KLHL13: variants seen among roughly 807,000 people sequenced by gnomAD.
The protein encoded by KLHL13 is kelch like family member 13.
KLHL13 carries 10 observed loss-of-function variants against 37.1 expected under a neutral mutation model. That is an observed-to-expected ratio of 0.27 (90% CI 0.17 to 0.46). The LOEUF (loss-of-function observed/expected upper bound fraction) is 0.46, where lower values mean the gene tolerates loss of function less well. Among genes scored for constraint, KLHL13 ranks in the 20% least tolerant of loss-of-function variants. The pLI is 1.00. For missense variants in KLHL13, 360 were observed against 509.3 expected, an observed-to-expected ratio of 0.71 and a Z score of 2.82; for synonymous variants, 163 against 181.2, an observed-to-expected ratio of 0.90 and a Z score of 0.81.
chrX:118,100,743 C>T (rs1432876982), intron 1 of KLHL13, among the ~76,000 whole-genome samples: 1 of 111,466 alleles, frequency 9.0e-6, no homozygotes, highest in Non-Finnish European at 1.9e-5. Flanking sequence ...AAATATCACT[C>T]AACTAAAGAG....
Position 118,059,345 on chromosome X carries a change from A to G in KLHL13, c.-56+57163T>C, listed in dbSNP as rs182399320. ...ACAGTTCATCTCCTAAGCATTTAAG[A>G]AATCTGAAGTTTTAACTGTTACAAG... On this transcript the variant is annotated intron_variant, in intron 1 of 6. Coordinates refer to the KLHL13 transcript ENST00000371882. Among the ~76,000 whole-genome samples, 3 of 112,055 alleles carry G rather than the reference A, an allele frequency of 2.7e-5. No individual in the cohort carries two copies. In the Admixed American group the frequency reaches 2.8e-4, roughly 11 times the overall value.
chrX:118,021,477 A>C, intron 1 of KLHL13, among the ~76,000 whole-genome samples: 1 of 108,684 alleles, frequency 9.2e-6, no homozygotes, highest in Non-Finnish European at 1.9e-5. Flanking sequence ...CCTATGAGTG[A>C]GAACATGCGG....
At chrX:118,109,979 G>C (rs776725961) in intron 1 of KLHL13, among the ~76,000 whole-genome samples, 5 of 111,369 alleles carry the variant, frequency 4.5e-5, no homozygotes, top group Non-Finnish European at 9.4e-5. Flanking sequence ...TTCAACACCA[G>C]CCTGGGCAAC....
At chrX:118,068,099 C>T (rs1259322137) in intron 1 of KLHL13, among the ~76,000 whole-genome samples, 1 of 111,400 alleles carries the variant, frequency 9.0e-6, no homozygotes, top group Non-Finnish European at 1.9e-5. Flanking sequence ...TTTTCAGCTC[C>T]GTTATAATCA....
At chrX:117,932,157 A>T (rs1228804840) in intron 2 of KLHL13, among the ~76,000 whole-genome samples, 1 of 111,552 alleles carries the variant, frequency 9.0e-6, no homozygotes, top group Admixed American at 9.5e-5. Context: ...ATCATCTGCA[A>T]TATTTATCAT....
chrX:118,011,956 A>T (rs1313500784), intron 1 of KLHL13, among the ~76,000 whole-genome samples: 1 of 112,533 alleles, frequency 8.9e-6, no homozygotes, highest in Admixed American at 9.4e-5. Flanking sequence ...AAATATTTGA[A>T]TATTCAATTT....
At chrX:117,898,673 A>G (rs1360335601) in exon 7 of KLHL13, 1 of 349,108 alleles carries the variant, frequency 2.9e-6, no homozygotes, top group Admixed American at 5.3e-5. Context: ...TTTTTTTTTC[A>G]TATGTTAAAC....
chrX:117,920,213 T>C, intron 3 of KLHL13, 25 bp downstream of exon 4: 1 of 1,194,045 alleles, frequency 8.4e-7, no homozygotes, highest in South Asian at 1.8e-5. Context: ...TTAATGTGGT[T>C]TCAGAGTTTT....
chrX:118,007,542 A>C (rs765122200), intron 1 of KLHL13, among the ~76,000 whole-genome samples: 1 of 111,204 alleles, frequency 9.0e-6, no homozygotes, highest in African/African-American at 3.3e-5. Context: ...AACAACATTA[A>C]ATTTAATTTG....
chrX:118,050,860 C>T (rs1199885569), intron 1 of KLHL13, among the ~76,000 whole-genome samples: 1 of 112,053 alleles, frequency 8.9e-6, no homozygotes, highest in Non-Finnish European at 1.9e-5. Flanking sequence ...CTTGAGCATA[C>T]ATCAGAGTTT....
chrX:118,005,883 T>C (rs1210220678), intron 1 of KLHL13, among the ~76,000 whole-genome samples: 1 of 111,976 alleles, frequency 8.9e-6, no homozygotes. Flanking sequence ...TGGAAAGAAA[T>C]TGTGTAATGA....
chrX:117,964,848 G>T (rs5956825), intron 1 of KLHL13, among the ~76,000 whole-genome samples: 29,607 of 109,722 alleles, frequency 0.27, 6,981 homozygotes, highest in African/African-American at 0.78. Context: ...TTTGGTTTTT[G>T]GTCCTTGTGA....
chrX:117,922,274 C>T (rs954175066), intron 2 of KLHL13, among the ~76,000 whole-genome samples: 12 of 110,822 alleles, frequency 1.1e-4, no homozygotes, highest in African/African-American at 3.3e-4. Context: ...TATATGGGGT[C>T]TAAATTGCAA....
At chrX:118,027,814 T>C (rs952575229) in intron 1 of KLHL13, among the ~76,000 whole-genome samples, 1 of 111,515 alleles carries the variant, frequency 9.0e-6, no homozygotes, top group Non-Finnish European at 1.9e-5. Flanking sequence ...ATACCACTAG[T>C]AAGCATCAGA....
chrX:117,965,152 G>A (rs759358879), intron 1 of KLHL13, among the ~76,000 whole-genome samples: 95 of 111,708 alleles, frequency 8.5e-4, no homozygotes, highest in African/African-American at 2.8e-3. Flanking sequence ...AGATCCCTGA[G>A]GAATGGCCAC....
intron 1 of KLHL13, among the ~76,000 whole-genome samples, chrX:117,958,399 C>A (rs2053238010): frequency 9.1e-6 from 1 of 110,131 alleles, no homozygotes; most frequent in South Asian, 3.9e-4. Context: ...ACTGTACTCA[C>A]CTATTTTCAT....
intron 1 of KLHL13, among the ~76,000 whole-genome samples, chrX:118,113,213 T>C (rs2055431726): frequency 1.8e-5 from 2 of 112,044 alleles, no homozygotes. Context: ...CCGAATTACA[T>C]GATTATTTAG....
At chrX:118,060,469 T>C (rs1457996706) in intron 1 of KLHL13, among the ~76,000 whole-genome samples, 2 of 111,276 alleles carry the variant, frequency 1.8e-5, no homozygotes, top group Non-Finnish European at 3.8e-5. Context: ...TTTTTGAAAA[T>C]GCAAAGTATA....
At chrX:118,092,642 T>C (rs1327156615) in intron 1 of KLHL13, among the ~76,000 whole-genome samples, 1 of 111,873 alleles carries the variant, frequency 8.9e-6, no homozygotes, top group African/African-American at 3.2e-5. Flanking sequence ...TATGTGTCAA[T>C]ACAACAAATT....
Sources: gnomAD v4.1 joint callset for allele counts (sites outside exome capture counted in the v4.1 genomes callset) on GRCh38, gnomAD v4.1.1 for gene constraint, MANE v1.5 for transcripts, NCBI Gene and HGNC (gene_info 2026-07-23, HGNC 2026-07-21) for gene names.